BRINP1: variants seen among roughly 807,000 people sequenced by gnomAD.
BRINP1 encodes the protein BMP/retinoic acid-inducible neural-specific protein 1.
In BRINP1, 17 loss-of-function variants were observed where a neutral mutation model predicts 72.9. The ratio of observed to expected loss-of-function variants is 0.23; its 90% confidence interval spans 0.16 to 0.35. BRINP1 has a LOEUF of 0.35. BRINP1 is among the 10% of genes least tolerant of loss of function. The pLI is 1.00. For synonymous variants in BRINP1, 418 were observed against 378.5 expected (o/e 1.10, Z -1.21); for missense variants, 850 against 1,001.6 (o/e 0.85, Z 2.04).
At chr9:119,328,127 A>T (rs2119009385) in intron 1 of BRINP1, among the ~76,000 whole-genome samples, 1 of 152,312 alleles carries the variant, frequency 6.6e-6, no homozygotes, top group South Asian at 2.1e-4. Context: ...CGATGGATGA[A>T]GGGGAATTAT....
intron 7 of BRINP1, among the ~76,000 whole-genome samples, chr9:119,184,351 CT>C (rs922809447): frequency 6.6e-6 from 1 of 151,902 alleles, no homozygotes; most frequent in Admixed American, 6.6e-5. Flanking sequence ...ACCTCACTAC[CT>C]TTTTTTTCCT....
At chr9:119,319,945 C>T (rs1250815959) in intron 1 of BRINP1, among the ~76,000 whole-genome samples, 1 of 152,124 alleles carries the variant, frequency 6.6e-6, no homozygotes, top group African/African-American at 2.4e-5. Flanking sequence ...GTGAACAATT[C>T]TAATATGAAA....
intron 1 of BRINP1, among the ~76,000 whole-genome samples, chr9:119,325,957 G>C (rs939164267): frequency 9.9e-5 from 15 of 152,078 alleles, no homozygotes; most frequent in Non-Finnish European, 2.2e-4. Context: ...TCCTTGCAAT[G>C]CCCATCCCTG....
chr9:119,364,176 G>A (rs931405808), intron 1 of BRINP1, among the ~76,000 whole-genome samples: 2 of 152,096 alleles, frequency 1.3e-5, no homozygotes, highest in Non-Finnish European at 2.9e-5. Flanking sequence ...AAAGAAAACT[G>A]TTGTGAAATA....
chr9:119,271,023 T>G (rs974130319), intron 2 of BRINP1, among the ~76,000 whole-genome samples: 2 of 152,036 alleles, frequency 1.3e-5, no homozygotes, highest in Non-Finnish European at 2.9e-5. Context: ...AGGTTTTTGG[T>G]TGCAAAATAA....
chr9:119,294,841 G>C (rs1470104279), intron 2 of BRINP1, among the ~76,000 whole-genome samples: 1 of 119,022 alleles, frequency 8.4e-6, no homozygotes, highest in Non-Finnish European at 1.8e-5. Context: ...GAGCAACAGA[G>C]TGACACTACG....
chr9:119,302,316 A>G (rs1830946443), intron 2 of BRINP1, among the ~76,000 whole-genome samples: 1 of 152,226 alleles, frequency 6.6e-6, no homozygotes. Flanking sequence ...ATCTAACTGT[A>G]AAGTTAGAGA....
intron 5 of BRINP1, among the ~76,000 whole-genome samples, chr9:119,218,797 T>A (rs1830008625): frequency 1.3e-5 from 2 of 150,260 alleles, no homozygotes; most frequent in Admixed American, 1.3e-4. Context: ...TCTCCTTGTA[T>A]ACTAACAAAG....
chr9:119,359,375 T>G (rs1831606366), intron 1 of BRINP1, among the ~76,000 whole-genome samples: 1 of 152,168 alleles, frequency 6.6e-6, no homozygotes, highest in African/African-American at 2.4e-5. Context: ...ATTTTTTAAA[T>G]TTTTTGTAGA....
rs1413336064 is a variant in BRINP1 at position 119,166,989 on chromosome 9, A to ACAAATTTTT, written c.*86_*94dup. The stretch of plus-strand genomic sequence containing the variant: ...TTTCTTTGAATATTAATTACATTTT[A>ACAAATTTTT]CAAATTTTTGTGGGTTTTTTTGTTT... On this transcript the variant is annotated 3_prime_UTR_variant, in exon 8 of 8. Coordinates refer to ENST00000265922, the MANE Select transcript of BRINP1 (RefSeq NM_014618.3). The ACAAATTTTT allele has an allele frequency of 7.6e-7, 1 of 1,319,146 alleles. No individual in the cohort carries two copies. The highest frequency in any genetic ancestry group is 1.5e-5 in the African/African-American group (1 of 67,520). 81.7% of individuals were successfully genotyped at this position (1,319,146 alleles called of 1,614,324 possible).
chr9:119,278,243 C>T (rs916211519), intron 2 of BRINP1, among the ~76,000 whole-genome samples: 1 of 152,166 alleles, frequency 6.6e-6, no homozygotes. Context: ...CTCCAGCCCT[C>T]CCATGGATCC....
chr9:119,344,634 G>A (rs1222928381), intron 1 of BRINP1, among the ~76,000 whole-genome samples: 1 of 152,170 alleles, frequency 6.6e-6, no homozygotes, highest in Admixed American at 6.5e-5. Context: ...TTTCCAAGAT[G>A]CTCTAGTTAA....
chr9:119,294,610 AATCCC>A (rs1830855001), intron 2 of BRINP1, among the ~76,000 whole-genome samples: 1 of 152,132 alleles, frequency 6.6e-6, no homozygotes. Flanking sequence ...TTACACCTGT[AATCCC>A]AGCACTTTGG....
At chr9:119,209,713 T>TA (rs946456704) in intron 6 of BRINP1, among the ~76,000 whole-genome samples, 2 of 152,186 alleles carry the variant, frequency 1.3e-5, no homozygotes, top group African/African-American at 4.8e-5. Context: ...TGTTGCCTGC[T>TA]AAAAAAATCA....
Position 119,242,165 on chromosome 9 carries a change from G to A in BRINP1, c.461C>T (p.Ser154Leu). The part of the protein sequence containing the change: ...YMDKSRLDRK[S>L]GNATQSVEAL... ...TTCAACACTTTGAGTGGCATTCCCT[G>A]ACTTCCTGTCGAGGCGACTTTTGTC... The change falls in exon 4 of 8, where the codon TCA (serine) becomes TTA (leucine). Residue 154 changes from serine (S) to leucine (L), a missense_variant. By Grantham distance (145) the Ser-to-Leu change is moderately radical. Coordinates refer to ENST00000265922, the MANE Select transcript of BRINP1 (RefSeq NM_014618.3). The A allele has an allele frequency of 6.2e-7, 1 of 1,614,160 alleles. No homozygotes were observed. The highest frequency in any genetic ancestry group is 8.5e-7 in the Non-Finnish European group (1 of 1,180,032).
intron 1 of BRINP1, among the ~76,000 whole-genome samples, chr9:119,364,994 G>A (rs1429342436): frequency 2.0e-5 from 3 of 152,180 alleles, no homozygotes; most frequent in African/African-American, 4.8e-5. Flanking sequence ...GAAATGCAAG[G>A]GCAAACATTT....
At chr9:119,217,066 A>T (rs1829985281) in intron 5 of BRINP1, among the ~76,000 whole-genome samples, 1 of 152,198 alleles carries the variant, frequency 6.6e-6, no homozygotes, top group African/African-American at 2.4e-5. Flanking sequence ...ATTACTGTTT[A>T]AAGTTACATA....
intron 7 of BRINP1, among the ~76,000 whole-genome samples, chr9:119,207,256 G>A (rs1829868322): frequency 6.6e-6 from 1 of 152,216 alleles, no homozygotes; most frequent in Non-Finnish European, 1.5e-5. Context: ...TAGGTGGATG[G>A]ACTGTGGTAG....
At chr9:119,367,552 A>G (rs1831708530) in intron 1 of BRINP1, among the ~76,000 whole-genome samples, 1 of 152,138 alleles carries the variant, frequency 6.6e-6, no homozygotes, top group African/African-American at 2.4e-5. Flanking sequence ...CCCAAGCCCA[A>G]CAGTACCAAG....
Sources: allele counts gnomAD v4.1 joint callset (sites outside exome capture counted in the v4.1 genomes callset), GRCh38; gene constraint gnomAD v4.1.1; transcripts MANE v1.5; gene names NCBI Gene and HGNC (gene_info 2026-07-23, HGNC 2026-07-21).